Variants in ATAD2B observed in about 807,000 individuals in gnomAD.
ATAD2B encodes the protein ATPase family AAA domain-containing protein 2B.
ATAD2B carries 40 observed loss-of-function variants against 167.6 expected under a neutral mutation model. That is an observed-to-expected ratio of 0.24 (90% confidence interval 0.19 to 0.31). The LOEUF (loss-of-function observed/expected upper bound fraction) is 0.31. Among genes scored for constraint, ATAD2B ranks in the 10% least tolerant of loss-of-function variants. The pLI is 1.00. For missense variants in ATAD2B, 1,242 were observed against 1,757.2 expected, an observed-to-expected ratio of 0.71 and a Z score of 5.24; for synonymous variants, 579 against 596.5, an observed-to-expected ratio of 0.97 and a Z score of 0.43.
At chr2:23,916,823 C>G (rs547764327) in intron 1 of ATAD2B, among the ~76,000 whole-genome samples, 1 of 152,302 alleles carries the variant, frequency 6.6e-6, no homozygotes, top group South Asian at 2.1e-4. Context: ...GAAACAGCAG[C>G]CCCTAGGCAG....
the ATAD2B span, chr2:23,706,827 A>G: frequency 8.3e-5 from 46 of 554,574 alleles, no homozygotes; most frequent in Admixed American, 1.1e-3. Flanking sequence ...GTAGAAAATC[A>G]TCCTCGCCTT....
chr2:23,755,448 A>G (rs2149302400), intron 25 of ATAD2B, among the ~76,000 whole-genome samples: 1 of 152,304 alleles, frequency 6.6e-6, no homozygotes, highest in East Asian at 1.9e-4. Flanking sequence ...GTGGCTAAGC[A>G]TAATTTCACG....
chr2:23,874,078 T>A (rs752020157), intron 8 of ATAD2B, among the ~76,000 whole-genome samples: 1 of 151,304 alleles, frequency 6.6e-6, no homozygotes, highest in Non-Finnish European at 1.5e-5. Context: ...CCCCAGCTAG[T>A]GGGGAGGCTG....
At position 23,811,932 on chromosome 2, in the gene ATAD2B, T is replaced by C. The variant is rs111783468; in HGVS notation, c.2268-1430A>G. On this transcript the variant is annotated intron_variant, in intron 17 of 27. Transcript: ENST00000238789. ...CAACAAAAACTAACTGTTACTACCCTGACAGATGACATCTAAAGCTCCATA... is the reference window on the plus strand; with the variant it reads ...CAACAAAAACTAACTGTTACTACCCCGACAGATGACATCTAAAGCTCCATA... 5.7e-3 allele frequency among the ~76,000 whole-genome samples: 861 copies of C among 152,104 alleles called. 11 individuals carry two copies. Among genetic ancestry groups the C allele is most frequent in the African/African-American group, 0.018 (757 of 41,514 alleles).
At position 23,751,365 on chromosome 2, in the gene ATAD2B, T is replaced by C. The variant is rs371266908; in HGVS notation, c.*681A>G. 1 of 152,140 alleles carries C rather than the reference T, an allele frequency of 6.6e-6. No homozygotes were observed. Among genetic ancestry groups the C allele is most frequent in the East Asian group, 1.9e-4 (1 of 5,202 alleles). The allele number at this position is 152,140 out of a possible 1,614,324, so 9.4% of individuals were successfully genotyped here. On this transcript the variant is annotated 3_prime_UTR_variant, in exon 28 of 28. Transcript: ENST00000238789. ...TACCCAAACACTGGTTGTCTCTTAATGACATAGAGTATCAAAACTTATTTT... is the reference window on the plus strand; with the variant it reads ...TACCCAAACACTGGTTGTCTCTTAACGACATAGAGTATCAAAACTTATTTT...
intron 13 of ATAD2B, among the ~76,000 whole-genome samples, chr2:23,855,771 T>G (rs1217206770): frequency 6.6e-6 from 1 of 152,172 alleles, no homozygotes; most frequent in Non-Finnish European, 1.5e-5. Flanking sequence ...TGCCTGTAGT[T>G]CTAGCTACTC....
At chr2:23,813,410 C>G (rs1027743076) in intron 17 of ATAD2B, among the ~76,000 whole-genome samples, 1 of 150,432 alleles carries the variant, frequency 6.6e-6, no homozygotes. Context: ...TATTTTCTTA[C>G]ATGAAACAAT....
intron 23 of ATAD2B, among the ~76,000 whole-genome samples, chr2:23,765,296 A>G (rs1235598583): frequency 6.6e-6 from 1 of 152,234 alleles, no homozygotes; most frequent in Non-Finnish European, 1.5e-5. Context: ...TATTTCTGTA[A>G]TACACACTAT....
At position 23,748,841 on chromosome 2, in the gene ATAD2B, A is replaced by T. The variant is rs1675068717; in HGVS notation, c.*3205T>A. 6.6e-6 allele frequency: 1 copy of T among 152,142 alleles called. No individual in the cohort carries two copies. Among genetic ancestry groups the T allele is most frequent in the Admixed American group, 6.5e-5 (1 of 15,268 alleles). 9.4% of individuals were successfully genotyped at this position (152,142 alleles called of 1,614,324 possible). On this transcript the variant is annotated 3_prime_UTR_variant, in exon 28 of 28. Coordinates refer to ENST00000238789, the MANE Select transcript of ATAD2B (RefSeq NM_017552.4). The stretch of plus-strand genomic sequence containing the variant: ...AATTAAAACTACAAACCCAAAATAG[A>T]CCATAGTTGATGAAGTCTACTTAAA...
At chr2:23,715,864 G>C in the ATAD2B span, among the ~76,000 whole-genome samples, 8 of 152,130 alleles carry the variant, frequency 5.3e-5, no homozygotes. Flanking sequence ...ATTAAAGTAT[G>C]ATAAACTACA....
At chr2:23,837,922 T>C (rs1428011348) in intron 13 of ATAD2B, among the ~76,000 whole-genome samples, 1 of 152,226 alleles carries the variant, frequency 6.6e-6, no homozygotes, top group Non-Finnish European at 1.5e-5. Flanking sequence ...ATATAAGTGT[T>C]TCATGCCTAA....
At chr2:23,863,332 AGAAC>A (rs1288891547) in intron 12 of ATAD2B, 45 bp downstream of exon 12, 5 of 1,499,220 alleles carry the variant, frequency 3.3e-6, no homozygotes, top group Non-Finnish European at 4.5e-6. Flanking sequence ...AAGAAAGAAA[AGAAC>A]AGAACAGAAC....
chr2:23,872,748 T>C, intron 8 of ATAD2B: 1 of 1,003,488 alleles, frequency 1.0e-6, no homozygotes, highest in Non-Finnish European at 1.6e-6. Context: ...TGCTGCTCAC[T>C]GAGGCACCAA....
rs113784293 is a variant in ATAD2B, at chr2:23,883,150, T to C, written c.784+1615A>G. On this transcript the variant is annotated intron_variant, in intron 6 of 27. Coordinates refer to ENST00000238789, the MANE Select transcript of ATAD2B (RefSeq NM_017552.4). ...AAAGATTTAGCCGAGCATGATGGCA[T>C]GTGCTTATGGTCCCAGCTACTCAGG... 5.7e-3 allele frequency among the ~76,000 whole-genome samples: 862 copies of C among 151,744 alleles called. 11 individuals carry two copies. The highest frequency in any genetic ancestry group is 0.018 in the African/African-American group (758 of 41,384).
chr2:23,897,257 A>G (rs1700267847), intron 1 of ATAD2B, among the ~76,000 whole-genome samples: 1 of 152,192 alleles, frequency 6.6e-6, no homozygotes, highest in Admixed American at 6.5e-5. Flanking sequence ...TGCATACTAT[A>G]CCTATCCTTC....
At chr2:23,687,904 ACAGT>A in the ATAD2B span, among the ~76,000 whole-genome samples, 229 of 152,194 alleles carry the variant, frequency 1.5e-3, 1 homozygote, top group African/African-American at 5.2e-3. Context: ...TGTAAAGATG[ACAGT>A]CAGACCATGA....
At chr2:23,781,241 C>T (rs1467936502) in intron 22 of ATAD2B, among the ~76,000 whole-genome samples, 1 of 152,044 alleles carries the variant, frequency 6.6e-6, no homozygotes, top group Non-Finnish European at 1.5e-5. Context: ...CAAGGCCACC[C>T]TGTGCTCATG....
chr2:23,696,572 C>A, the ATAD2B span: 2 of 1,347,278 alleles, frequency 1.5e-6, no homozygotes, highest in South Asian at 1.5e-5. The surrounding 1 kb of genome is among the most constrained non-coding windows in gnomAD (Gnocchi z 5.5). Flanking sequence ...ACTGAAATCA[C>A]GTCACTCACT....
the ATAD2B span, among the ~76,000 whole-genome samples, chr2:23,699,756 C>A: frequency 2.0e-5 from 3 of 152,348 alleles, no homozygotes; most frequent in Admixed American, 6.5e-5. Flanking sequence ...ACTGGCCCCA[C>A]CACACGAGAA....
Sources: gnomAD v4.1 joint callset for allele counts (sites outside exome capture counted in the v4.1 genomes callset) on GRCh38, gnomAD v4.1.1 for gene constraint, Gnocchi (gnomAD v3.1) non-coding constraint, MANE v1.5 for transcripts, NCBI Gene and HGNC (gene_info 2026-07-23, HGNC 2026-07-21) for gene names.